The following HCRT variants were observed in gnomAD, a reference collection of about 807,000 sequenced individuals.
HCRT encodes hypocretin neuropeptide precursor, also known as hypocretin (orexin) neuropeptide.
Under a neutral mutation model 5.7 loss-of-function variants are expected in HCRT, and 5 were observed. The ratio of observed to expected loss-of-function variants is 0.87; its 90% CI spans 0.45 to 1.83. HCRT has a LOEUF of 1.83. Among genes scored for constraint, HCRT ranks in the 40% most tolerant of loss-of-function variants. HCRT has a pLI of 0.02. For synonymous variants in HCRT, 114 were observed against 99.0 expected (o/e 1.15, Z -0.90); for missense variants, 207 against 191.8 (o/e 1.08, Z -0.47).
At position 42,184,143 on chromosome 17, in the gene HCRT, C is replaced by A; in HGVS notation, c.*11G>T. ...CAGAGGCCTGGGCCAGGACAGGGCC[C>A]GAAGAACGACTCAGATCCCGGACTG... On this transcript the variant is annotated 3_prime_UTR_variant, in exon 2 of 2. Transcript: ENST00000293330. 1 of 1,279,076 alleles carries A rather than the reference C, an allele frequency of 7.8e-7. No homozygotes were observed. Among genetic ancestry groups the A allele is most frequent in the South Asian group, 3.1e-5 (1 of 32,430 alleles). The allele number at this position is 1,279,076 out of a possible 1,614,324, so 79.2% of individuals were successfully genotyped here. A position where few individuals can be genotyped will look rare whatever the true frequency, so the allele number is the denominator to read the frequency against.
In HCRT at chr17:42,184,186, A is replaced by T; in HGVS notation, c.364T>A (p.Ser122Thr). 7.8e-7 allele frequency: 1 copy of T among 1,282,798 alleles called. No homozygotes were observed. Among genetic ancestry groups the T allele is most frequent in the East Asian group, 3.1e-5 (1 of 31,876 alleles). The allele number at this position is 1,282,798 out of a possible 1,614,324, so 79.5% of individuals were successfully genotyped here. Residue 122 changes from serine to threonine, a missense_variant, in exon 2 of 2, where the codon TCC (serine) becomes ACC (threonine). By Grantham distance (58) the Ser-to-Thr change is moderately conservative. Transcript: ENST00000293330. ...CCGGACTGTCCTCCGGGCGCGACGG[A>T]GGCGGCGGCCGGGGCGGAACAGCGG... The part of the protein sequence containing the change: ...GRRCSAPAAA[S>T]VAPGGQSGI
Position 42,184,358 on chromosome 17 carries a change from G to A in HCRT, c.192C>T (p.Leu64=). The change falls in exon 2 of 2, where the codon CTC becomes CTT. Residue 64 remains leucine (L), a synonymous_variant. Coordinates refer to ENST00000293330, the MANE Select transcript of HCRT (RefSeq NM_001524.1). ...HGAGNHAAGI[L]TLGKRRSGPP... ...GCCCGGACCTCCGCTTGCCCAGCGT[G>A]AGGATGCCGGCCGCGTGATTGCCCG... 1.3e-6 allele frequency: 2 copies of A among 1,590,740 alleles called. No homozygotes were observed. Among genetic ancestry groups the A allele is most frequent in the Non-Finnish European group, 1.7e-6 (2 of 1,173,468 alleles).
Position 42,185,002 on chromosome 17 carries a change from C to T in HCRT, c.21+343G>A, listed in dbSNP as rs117766606. Among the ~76,000 whole-genome samples, 837 of 152,358 alleles carry T rather than the reference C, an allele frequency of 5.5e-3. 3 individuals carry two copies. The highest frequency in any genetic ancestry group is 0.034 in the Middle Eastern group (10 of 294). On this transcript the variant is annotated intron_variant, in intron 1 of 1. Coordinates refer to ENST00000293330, the MANE Select transcript of HCRT (RefSeq NM_001524.1). Reference sequence around the variant, plus strand: ...CTGCCCCCTTGCAGGAGTGACTGAACTCCGTTGCTTTGAACCAGTTTCCTG... The same window carrying T: ...CTGCCCCCTTGCAGGAGTGACTGAATTCCGTTGCTTTGAACCAGTTTCCTG...
chr17:42,185,409 T>C lies in HCRT; in HGVS notation c.-44A>G, dbSNP rs2079927632. 1 of 1,607,750 alleles carries C rather than the reference T, an allele frequency of 6.2e-7. No individual in the cohort carries two copies. Among genetic ancestry groups the C allele is most frequent in the Non-Finnish European group, 8.5e-7 (1 of 1,174,162 alleles). ...TGGGGTAGCCGGGAAAGGAGATGTC[T>C]GTGGTGGTTCAAAAAGCCAGGAACC... On this transcript the variant is annotated 5_prime_UTR_variant, in exon 1 of 2. Transcript: ENST00000293330.
intron 1 of HCRT, 121 bp downstream of exon 1, chr17:42,185,224 G>C (rs1476642290): frequency 2.1e-6 from 2 of 947,118 alleles, no homozygotes; most frequent in African/African-American, 1.6e-5. Context: ...TCCTGCCTCA[G>C]AGCACACCCA....
chr17:42,184,429 G>T lies in HCRT; in HGVS notation c.121C>A (p.Arg41Ser). 2 of 1,600,300 alleles carry T rather than the reference G, an allele frequency of 1.2e-6. No homozygotes were observed. The highest frequency in any genetic ancestry group is 1.1e-5 in the South Asian group (1 of 90,284). The change falls in exon 2 of 2, where the codon CGT becomes AGT. Residue 41 changes from arginine (R) to serine (S), a missense_variant. By Grantham distance (110) the Arg-to-Ser change is moderately radical. Transcript: ENST00000293330. ...AAAQPLPDCC[R>S]QKTCSCRLYE... The stretch of plus-strand genomic sequence containing the variant: ...AGGCGGCAAGAGCAAGTCTTTTGAC[G>T]ACAGCAGTCGGGCAGGGGCTGTGCA...
chr17:42,185,243 C>T, intron 1 of HCRT, 102 bp downstream of exon 1: 14 of 1,138,062 alleles, frequency 1.2e-5, no homozygotes, highest in East Asian at 2.4e-5. Context: ...CAGGAAAAGA[C>T]CAAGAGTGGA....
chr17:42,184,284 T>A lies in HCRT; in HGVS notation c.266A>T (p.Asn89Ile). The A allele has an allele frequency of 6.9e-7, 1 of 1,452,896 alleles. No homozygotes were observed. 90.0% of individuals were successfully genotyped at this position (1,452,896 alleles called of 1,614,324 possible). A position where few individuals can be genotyped will look rare whatever the true frequency, so the allele number is the denominator to read the frequency against. ...RLQRLLQASG[N>I]HAAGILTMGR... is the part of the protein sequence containing the mutation. ...CATGGTCAGGATGCCCGCGGCGTGG[T>A]TGCCGCTGGCCTGCAGGAGGCGCTG... The change falls in exon 2 of 2, where the codon AAC (asparagine) becomes ATC (isoleucine). Residue 89 changes from asparagine (N) to isoleucine (I), a missense_variant. By Grantham distance (149) the Asn-to-Ile change is moderately radical. Coordinates refer to ENST00000293330, the MANE Select transcript of HCRT (RefSeq NM_001524.1).
rs756882162 is a variant in HCRT, at chr17:42,185,383, G to T, written c.-18C>A. The T allele has an allele frequency of 6.2e-7, 1 of 1,613,924 alleles. No individual in the cohort carries two copies. The highest frequency in any genetic ancestry group is 2.2e-5 in the East Asian group (1 of 44,878). ...AGGTTCATGGTGTCTGGCGCTCAGGGTGGGGTAGCCGGGAAAGGAGATGTC... is the reference window on the plus strand; with the variant it reads ...AGGTTCATGGTGTCTGGCGCTCAGGTTGGGGTAGCCGGGAAAGGAGATGTC... On this transcript the variant is annotated 5_prime_UTR_variant, in exon 1 of 2. Transcript: ENST00000293330.
rs747632842 is a variant in HCRT at position 42,184,482 on chromosome 17, GGCAGCAGCA to G, written c.59_67del (p.Leu20_Leu22del). 5 of 1,578,290 alleles carry G rather than the reference GGCAGCAGCA, an allele frequency of 3.2e-6. No homozygotes were observed. Among genetic ancestry groups the G allele is most frequent in the Non-Finnish European group, 4.3e-6 (5 of 1,168,568 alleles). The stretch of plus-strand genomic sequence containing the variant: ...CGCCCCGGACGACAACAGCGCGGGC[GGCAGCAGCA>G]GCAGCAGCAGCAGTAGCGTCACGGC... On this transcript the variant is annotated inframe_deletion, in exon 2 of 2. Transcript: ENST00000293330.
Position 42,184,163 on chromosome 17 carries a change from G to T in HCRT, c.387C>A (p.Ser129=). Residue 129 remains serine, a synonymous_variant, in exon 2 of 2, where the codon TCC becomes TCA. Coordinates refer to ENST00000293330, the MANE Select transcript of HCRT (RefSeq NM_001524.1). The part of the protein sequence containing the change: ...AAASVAPGGQ[S]GI ...GGGCCCGAAGAACGACTCAGATCCC[G>T]GACTGTCCTCCGGGCGCGACGGAGG... The T allele has an allele frequency of 7.8e-7, 1 of 1,286,416 alleles. No individual in the cohort carries two copies. The allele number at this position is 1,286,416 out of a possible 1,614,324, so 79.7% of individuals were successfully genotyped here.
Position 42,184,092 on chromosome 17 carries a change from G to C in HCRT, c.*62C>G. 1 of 1,240,656 alleles carries C rather than the reference G, an allele frequency of 8.1e-7. No individual in the cohort carries two copies. The highest frequency in any genetic ancestry group is 1.0e-6 in the Non-Finnish European group (1 of 988,854). 76.9% of individuals were successfully genotyped at this position (1,240,656 alleles called of 1,614,324 possible). A position where few individuals can be genotyped will look rare whatever the true frequency, so the allele number is the denominator to read the frequency against. On this transcript the variant is annotated 3_prime_UTR_variant, in exon 2 of 2. Transcript: ENST00000293330. Reference sequence around the variant, plus strand: ...ACTCGTCTTTATTGCCTTTTTTCTGGGGGCTGACGCTGGGTGGGCAGAGGG... The same window carrying C: ...ACTCGTCTTTATTGCCTTTTTTCTGCGGGCTGACGCTGGGTGGGCAGAGGG...
rs775918962 is a variant in HCRT, at chr17:42,184,213, G to C, written c.337C>G (p.Arg113Gly). ...GCGGCGGCCGGGGCGGAACAGCGGC[G>C]CCCGAGGCAGGGGCGCGGCGCTGGC... ...AEPAPRPCLGRRCSAPAAASV... is the reference protein window; with the variant it reads ...AEPAPRPCLGGRCSAPAAASV... Residue 113 changes from arginine to glycine, a missense_variant, in exon 2 of 2, where the codon CGC (arginine) becomes GGC (glycine). Transcript: ENST00000293330. 7.7e-7 allele frequency: 1 copy of C among 1,303,222 alleles called. No homozygotes were observed. 80.7% of individuals were successfully genotyped at this position (1,303,222 alleles called of 1,614,324 possible). A position where few individuals can be genotyped will look rare whatever the true frequency, so the allele number is the denominator to read the frequency against.
Position 42,184,262 on chromosome 17 carries a change from G to T in HCRT, c.288C>A (p.Thr96=). The T allele has an allele frequency of 7.1e-7, 1 of 1,407,282 alleles. No individual in the cohort carries two copies. The allele number at this position is 1,407,282 out of a possible 1,614,324, so 87.2% of individuals were successfully genotyped here. A position where few individuals can be genotyped will look rare whatever the true frequency, so the allele number is the denominator to read the frequency against. The change falls in exon 2 of 2, where the codon ACC becomes ACA. Residue 96 remains threonine, a synonymous_variant. Coordinates refer to ENST00000293330, the MANE Select transcript of HCRT (RefSeq NM_001524.1). Reference sequence around the variant, plus strand: ...GCTCTGCGCCTGCGCGGCGGCCCATGGTCAGGATGCCCGCGGCGTGGTTGC... The same window carrying T: ...GCTCTGCGCCTGCGCGGCGGCCCATTGTCAGGATGCCCGCGGCGTGGTTGC... ...ASGNHAAGIL[T]MGRRAGAEPA...
chr17:42,185,306 C>T, intron 1 of HCRT, 39 bp downstream of exon 1: 1 of 1,603,480 alleles, frequency 6.2e-7, no homozygotes, highest in Non-Finnish European at 8.5e-7. Flanking sequence ...TTTTGCTTCT[C>T]TGGGATGGTG....
rs1169475184 is a variant in HCRT at position 42,184,421 on chromosome 17, CTT to C, written c.127_128del (p.Lys43AspfsTer?). On this transcript the variant is annotated frameshift_variant, in exon 2 of 2. Coordinates refer to ENST00000293330, the MANE Select transcript of HCRT (RefSeq NM_001524.1). LOFTEE classifies it high-confidence loss of function. ...AQPLPDCCRQKTCSCRLYELL... is the reference protein window; with the variant it reads ...AQPLPDCCRQXTCSCRLYELL... ...GCTCGTAGAGGCGGCAAGAGCAAGT[CTT>C]TTGACGACAGCAGTCGGGCAGGGGC... The C allele has an allele frequency of 3.7e-6, 6 of 1,601,424 alleles. No individual in the cohort carries two copies. The highest frequency in any genetic ancestry group is 5.1e-6 in the Non-Finnish European group (6 of 1,177,808).
At position 42,184,412 on chromosome 17, in the gene HCRT, A is replaced by G. The variant is rs1255243865; in HGVS notation, c.138T>C (p.Ser46=). The change falls in exon 2 of 2, where the codon TCT becomes TCC. Residue 46 remains serine (S), a synonymous_variant. Transcript: ENST00000293330. ...LPDCCRQKTC[S]CRLYELLHGA... ...CGTGCAGCAGCTCGTAGAGGCGGCA[A>G]GAGCAAGTCTTTTGACGACAGCAGT... The G allele has an allele frequency of 1.9e-6, 3 of 1,602,034 alleles. No individual in the cohort carries two copies. The highest frequency in any genetic ancestry group is 1.1e-5 in the South Asian group (1 of 90,458).
In HCRT at chr17:42,184,477, C is replaced by T. The variant is rs1393327271; in HGVS notation, c.73G>A (p.Ala25Thr). 11 of 1,585,340 alleles carry T rather than the reference C, an allele frequency of 6.9e-6. No homozygotes were observed. The highest frequency in any genetic ancestry group is 1.1e-5 in the South Asian group (1 of 89,034). Residue 25 changes from alanine to threonine, a missense_variant, in exon 2 of 2, where the codon GCG (alanine) becomes ACG (threonine). Ala to Thr is a moderately conservative substitution (Grantham distance 58, BLOSUM62 0). Coordinates refer to ENST00000293330, the MANE Select transcript of HCRT (RefSeq NM_001524.1). ...GCAGCCGCCCCGGACGACAACAGCG[C>T]GGGCGGCAGCAGCAGCAGCAGCAGC... ...LLLLLLLLPP[A>T]LLSSGAAAQP...
intron 1 of HCRT, 109 bp from the exon 2 acceptor site, chr17:42,184,637 T>C: frequency 1.4e-6 from 2 of 1,386,100 alleles, no homozygotes; most frequent in Non-Finnish European, 1.9e-6. Flanking sequence ...AAGCCTGCAC[T>C]CCTTTCTGGC....
Sources: gnomAD v4.1 joint callset for allele counts (sites outside exome capture counted in the v4.1 genomes callset) on GRCh38, gnomAD v4.1.1 for gene constraint, MANE v1.5 for transcripts, NCBI Gene and HGNC (gene_info 2026-07-23, HGNC 2026-07-21) for gene names.